ARHGEF28: variants seen among roughly 807,000 people sequenced by gnomAD.
ARHGEF28 encodes Rho guanine nucleotide exchange factor 28, also known as 190 kDa guanine nucleotide exchange factor.
In ARHGEF28, 152 loss-of-function variants were observed where a neutral mutation model predicts 206.6. That is an observed-to-expected ratio of 0.74 (90% CI 0.64 to 0.84). The LOEUF is 0.84. Among genes scored for constraint, ARHGEF28 ranks in the 40% least tolerant of loss-of-function variants. The pLI is 0.00. For synonymous variants in ARHGEF28, 763 were observed against 776.4 expected, an observed-to-expected ratio of 0.98 and a Z score of 0.29; for missense variants, 2,028 against 2,073.2, an observed-to-expected ratio of 0.98 and a Z score of 0.42.
intron 22 of ARHGEF28, among the ~76,000 whole-genome samples, chr5:73,877,289 G>A (rs1760570759): frequency 6.7e-6 from 1 of 150,318 alleles, no homozygotes; most frequent in Non-Finnish European, 1.5e-5. Context: ...ATTTTTTATT[G>A]CGTCTATTTG....
intron 4 of ARHGEF28, among the ~76,000 whole-genome samples, chr5:73,766,190 A>G (rs1474320102): frequency 6.6e-6 from 1 of 152,010 alleles, no homozygotes; most frequent in Admixed American, 6.6e-5. Context: ...ACAAAACAAA[A>G]CAAAACAAAA....
intron 33 of ARHGEF28, chr5:73,908,978 C>G (rs1255712102): frequency 1.3e-5 from 2 of 154,734 alleles, no homozygotes; most frequent in African/African-American, 4.8e-5. Flanking sequence ...AGGAAGGATA[C>G]TACTAGGTTT....
At chr5:73,638,611 CT>C (rs1263431167) in intron 1 of ARHGEF28, among the ~76,000 whole-genome samples, 3 of 152,160 alleles carry the variant, frequency 2.0e-5, no homozygotes, top group African/African-American at 7.2e-5. Flanking sequence ...TTAAAGAATA[CT>C]GTTGTGAATA....
intron 12 of ARHGEF28, among the ~76,000 whole-genome samples, chr5:73,847,403 C>T (rs1286225785): frequency 6.6e-6 from 1 of 152,066 alleles, no homozygotes; most frequent in Non-Finnish European, 1.5e-5. Flanking sequence ...TTTGTGTCAC[C>T]AGCTTGGTGA....
intron 2 of ARHGEF28, among the ~76,000 whole-genome samples, chr5:73,710,314 A>C (rs1749163755): frequency 6.6e-6 from 1 of 152,116 alleles, no homozygotes; most frequent in Admixed American, 6.5e-5. Context: ...AGTAATGCTG[A>C]GTATCTTTTC....
chr5:73,911,788 G>A lies in ARHGEF28; in HGVS notation c.4948+213G>A, dbSNP rs139844926. The A allele has an allele frequency of 1.3e-3, 689 of 539,424 alleles. 1 individual carries two copies. The highest frequency in any genetic ancestry group is 1.5e-3 in the Middle Eastern group (3 of 2,046). 33.4% of individuals were successfully genotyped at this position (539,424 alleles called of 1,614,324 possible). On this transcript the variant is annotated intron_variant, in intron 35 of 35. Coordinates refer to ENST00000513042, the MANE Select transcript of ARHGEF28 (RefSeq NM_001177693.2). ...CTAGACAAGTGAGACCATGGTCATA[G>A]GGCTTAGAGAATGCTCACAACATGT...
chr5:73,674,706 C>T (rs1746545979), intron 1 of ARHGEF28, among the ~76,000 whole-genome samples: 1 of 152,180 alleles, frequency 6.6e-6, no homozygotes, highest in South Asian at 2.1e-4. Context: ...ATTTTCAGCT[C>T]CACCCCCCAA....
intron 2 of ARHGEF28, among the ~76,000 whole-genome samples, chr5:73,719,412 GAA>G (rs34402245): frequency 4.5e-3 from 509 of 114,054 alleles, no homozygotes; most frequent in Middle Eastern, 0.01. Flanking sequence ...CTCCGTCTCA[GAA>G]AAAAAAAAAA....
intron 4 of ARHGEF28, among the ~76,000 whole-genome samples, chr5:73,753,862 G>A (rs949599671): frequency 4.6e-5 from 7 of 152,140 alleles, no homozygotes; most frequent in African/African-American, 1.7e-4. Flanking sequence ...GAGAGATGGG[G>A]TCTCACTGTG....
chr5:73,904,154 G>T, intron 31 of ARHGEF28, 68 bp from the exon 32 acceptor site: 1 of 1,487,076 alleles, frequency 6.7e-7, no homozygotes, highest in South Asian at 1.1e-5. Context: ...CATACATTTT[G>T]GGACACTGCA....
At chr5:73,664,904 G>T (rs1170561662) in intron 1 of ARHGEF28, among the ~76,000 whole-genome samples, 1 of 151,994 alleles carries the variant, frequency 6.6e-6, no homozygotes, top group African/African-American at 2.4e-5. Context: ...CTTCTCCTTG[G>T]TCAATGGCAC....
chr5:73,846,695 A>T (rs1340128705), intron 12 of ARHGEF28, among the ~76,000 whole-genome samples: 1 of 152,184 alleles, frequency 6.6e-6, no homozygotes, highest in Non-Finnish European at 1.5e-5. Context: ...CATTTTCATT[A>T]ATTCACCATG....
intron 2 of ARHGEF28, among the ~76,000 whole-genome samples, chr5:73,690,296 A>G (rs7720643): frequency 6.6e-6 from 1 of 152,126 alleles, no homozygotes; most frequent in East Asian, 1.9e-4. Flanking sequence ...TTTTGATTAC[A>G]TTTTATATTG....
chr5:73,712,084 A>G (rs1047086962), intron 2 of ARHGEF28, among the ~76,000 whole-genome samples: 1 of 152,252 alleles, frequency 6.6e-6, no homozygotes, highest in African/African-American at 2.4e-5. Flanking sequence ...AAGATGGTGA[A>G]TTACATTGAT....
chr5:73,934,204 A>T (rs796303649), intron 35 of ARHGEF28, among the ~76,000 whole-genome samples: 21 of 152,320 alleles, frequency 1.4e-4, no homozygotes, highest in African/African-American at 5.1e-4. Context: ...TTGCATTCCC[A>T]TCGCGTCATT....
intron 2 of ARHGEF28, among the ~76,000 whole-genome samples, chr5:73,690,967 G>A (rs1379412675): frequency 6.6e-6 from 1 of 151,866 alleles, no homozygotes; most frequent in South Asian, 2.1e-4. Context: ...TTCTCGCCGT[G>A]TCATCCAGGC....
At chr5:73,734,715 G>A (rs942304597) in intron 2 of ARHGEF28, among the ~76,000 whole-genome samples, 2 of 152,184 alleles carry the variant, frequency 1.3e-5, no homozygotes, top group Non-Finnish European at 2.9e-5. Context: ...GTAGCATCCA[G>A]TTCCAGAAGA....
intron 2 of ARHGEF28, among the ~76,000 whole-genome samples, chr5:73,732,453 A>G (rs940624357): frequency 1.3e-5 from 2 of 152,118 alleles, no homozygotes; most frequent in Admixed American, 1.3e-4. Flanking sequence ...AACTGGATGT[A>G]CCACAATTTA....
At chr5:73,651,645 T>C (rs1217641242) in intron 1 of ARHGEF28, among the ~76,000 whole-genome samples, 1 of 152,208 alleles carries the variant, frequency 6.6e-6, no homozygotes, top group East Asian at 1.9e-4. Context: ...TGAAAATCTT[T>C]TATTTTTCAC....
Sources: allele counts gnomAD v4.1 joint callset (sites outside exome capture counted in the v4.1 genomes callset), GRCh38; gene constraint gnomAD v4.1.1; transcripts MANE v1.5; gene names NCBI Gene and HGNC (gene_info 2026-07-23, HGNC 2026-07-21).